The following MTHFD1L variants were observed in gnomAD, a reference collection of about 807,000 sequenced individuals.
The protein encoded by MTHFD1L is methylenetetrahydrofolate dehydrogenase (NADP+ dependent) 1 like.
In MTHFD1L, 81 loss-of-function variants were observed where a neutral mutation model predicts 119.5. The ratio of observed to expected loss-of-function variants is 0.68; its 90% CI spans 0.57 to 0.82. MTHFD1L has a LOEUF of 0.82. MTHFD1L is among the 40% of genes least tolerant of loss of function. The pLI is 0.00. For synonymous variants in MTHFD1L, 430 were observed against 475.2 expected (o/e 0.90, Z 1.24); for missense variants, 1,125 against 1,253.4 (o/e 0.90, Z 1.55).
intron 24 of MTHFD1L, among the ~76,000 whole-genome samples, chr6:151,020,313 G>T (rs969832705): frequency 3.3e-5 from 5 of 152,232 alleles, no homozygotes. Flanking sequence ...GATTCAGCTG[G>T]AGAGAGTGGG....
chr6:150,936,192 A>G (rs1792023208), intron 11 of MTHFD1L, among the ~76,000 whole-genome samples: 1 of 149,680 alleles, frequency 6.7e-6, no homozygotes, highest in African/African-American at 2.5e-5. Flanking sequence ...TTCTCTCTAG[A>G]ACAAAGAACT....
intron 26 of MTHFD1L, among the ~76,000 whole-genome samples, chr6:151,075,603 A>G (rs1792415346): frequency 6.6e-6 from 1 of 152,228 alleles, no homozygotes; most frequent in African/African-American, 2.4e-5. Context: ...AAGGATTTAG[A>G]AGACTTAAAC....
chr6:150,913,792 G>A (rs1017800566), intron 8 of MTHFD1L, among the ~76,000 whole-genome samples: 1 of 152,090 alleles, frequency 6.6e-6, no homozygotes, highest in African/African-American at 2.4e-5. Context: ...TCACGAGTTC[G>A]AGACCAGCCT....
At chr6:150,906,846 A>G (rs1438918917) in intron 8 of MTHFD1L, among the ~76,000 whole-genome samples, 1 of 152,206 alleles carries the variant, frequency 6.6e-6, no homozygotes, top group Non-Finnish European at 1.5e-5. Context: ...TTGACCGATC[A>G]GATTAAAAAC....
At chr6:150,959,234 T>G in intron 17 of MTHFD1L, 1 of 979,848 alleles carries the variant, frequency 1.0e-6, no homozygotes, top group Middle Eastern at 5.2e-4. Flanking sequence ...TTTCCTTCCT[T>G]TCCTTACTTG....
intron 19 of MTHFD1L, among the ~76,000 whole-genome samples, chr6:150,970,538 G>T (rs914139586): frequency 6.6e-6 from 1 of 152,108 alleles, no homozygotes; most frequent in East Asian, 1.9e-4. Flanking sequence ...TCATATTTAA[G>T]TGCTTAGAAC....
rs534747519 is a variant in MTHFD1L, at chr6:151,004,022, AAAAAAG to A, written c.2126-5795_2126-5790del. 6.0e-3 allele frequency among the ~76,000 whole-genome samples: 894 copies of A among 149,760 alleles called. 8 individuals are homozygous for A. The highest frequency in any genetic ancestry group is 0.021 in the African/African-American group (829 of 39,836). ...ATGCTTTTTTTTAAAAAAAAAAAAA[AAAAAAG>A]AGAGAGAGAGATTGGTGATTACTTT... On this transcript the variant is annotated intron_variant, in intron 20 of 27. Coordinates refer to ENST00000367321, the MANE Select transcript of MTHFD1L (RefSeq NM_015440.5).
chr6:151,062,246 C>T (rs1390325877), intron 26 of MTHFD1L, among the ~76,000 whole-genome samples: 1 of 152,136 alleles, frequency 6.6e-6, no homozygotes, highest in Non-Finnish European at 1.5e-5. Flanking sequence ...ACCATTCTAG[C>T]TAATACGATG....
chr6:150,867,695 C>T (rs933292331), intron 1 of MTHFD1L, among the ~76,000 whole-genome samples: 2 of 152,208 alleles, frequency 1.3e-5, no homozygotes, highest in Non-Finnish European at 2.9e-5. Flanking sequence ...ATCCTAGGTC[C>T]TGGAGAGAGT....
At chr6:150,885,505 T>C in intron 5 of MTHFD1L, 129 bp from the exon 6 acceptor site, 1 of 666,762 alleles carries the variant, frequency 1.5e-6, no homozygotes, top group South Asian at 2.3e-5. Context: ...CCTCTTTAAT[T>C]CATTTTTATG....
chr6:151,083,161 T>G (rs931509957), intron 26 of MTHFD1L, among the ~76,000 whole-genome samples: 2 of 152,086 alleles, frequency 1.3e-5, no homozygotes, highest in African/African-American at 4.8e-5. Context: ...GGGAAGAATC[T>G]CCATCGTTCT....
At chr6:150,923,556 T>A (rs1362259314) in intron 10 of MTHFD1L, among the ~76,000 whole-genome samples, 10 of 138,606 alleles carry the variant, frequency 7.2e-5, no homozygotes, top group Admixed American at 2.9e-4. Context: ...TTTTTTTTTT[T>A]TTTTTTTTGA....
intron 8 of MTHFD1L, among the ~76,000 whole-genome samples, chr6:150,915,400 A>G (rs1028647431): frequency 6.6e-6 from 1 of 152,174 alleles, no homozygotes. Flanking sequence ...ATCAGGAATC[A>G]TATAGCTTTT....
chr6:150,961,324 C>T (rs1030983305), intron 18 of MTHFD1L, among the ~76,000 whole-genome samples: 7 of 152,098 alleles, frequency 4.6e-5, no homozygotes, highest in African/African-American at 1.7e-4. Context: ...GAACTCCTGA[C>T]CTCAGGTGAT....
intron 26 of MTHFD1L, among the ~76,000 whole-genome samples, chr6:151,048,327 G>A (rs1426462697): frequency 6.6e-6 from 1 of 152,040 alleles, no homozygotes; most frequent in Non-Finnish European, 1.5e-5. Context: ...TCCTTTGTGT[G>A]TCCTCTTACC....
At chr6:150,944,623 G>A (rs1163182340) in intron 14 of MTHFD1L, 30 bp downstream of exon 14, 1 of 1,524,946 alleles carries the variant, frequency 6.6e-7, no homozygotes, top group South Asian at 1.1e-5. Flanking sequence ...AGCCATTTTG[G>A]GTATTGTATC....
At chr6:151,067,604 G>A (rs1259294779) in intron 26 of MTHFD1L, among the ~76,000 whole-genome samples, 2 of 152,222 alleles carry the variant, frequency 1.3e-5, no homozygotes, top group Non-Finnish European at 2.9e-5. Context: ...GATTACAGGT[G>A]TGAGCCACTG....
chr6:151,080,406 A>C (rs1226963368), intron 26 of MTHFD1L, among the ~76,000 whole-genome samples: 1 of 152,144 alleles, frequency 6.6e-6, no homozygotes, highest in African/African-American at 2.4e-5. Flanking sequence ...GAGAGGATGG[A>C]GGAGAAACCC....
At chr6:150,866,675 G>A in intron 1 of MTHFD1L, 1 of 1,176,336 alleles carries the variant, frequency 8.5e-7, no homozygotes, top group Non-Finnish European at 1.0e-6. Context: ...GGGGGAATCC[G>A]AGAGGTCTCA....
Sources: gnomAD v4.1 joint callset for allele counts (sites outside exome capture counted in the v4.1 genomes callset) on GRCh38, gnomAD v4.1.1 for gene constraint, MANE v1.5 for transcripts, NCBI Gene and HGNC (gene_info 2026-07-23, HGNC 2026-07-21) for gene names.